Variants in ARFGAP3 observed in about 807,000 individuals in gnomAD.
ARFGAP3 encodes ADP-ribosylation factor GTPase-activating protein 3.
Under a neutral mutation model 75.0 loss-of-function variants are expected in ARFGAP3, and 72 were observed. The observed-to-expected ratio is 0.96, with a 90% CI of 0.79 to 1.17. ARFGAP3 has a LOEUF of 1.17. Among genes scored for constraint, ARFGAP3 ranks in the 50% most tolerant of loss-of-function variants. The pLI, the probability that ARFGAP3 is intolerant of heterozygous loss-of-function variation, is 0.00. For synonymous variants in ARFGAP3, 221 were observed against 217.9 expected, an observed-to-expected ratio of 1.01 and a Z score of -0.13; for missense variants, 620 against 626.6, an observed-to-expected ratio of 0.99 and a Z score of 0.11.
intron 9 of ARFGAP3, among the ~76,000 whole-genome samples, chr22:42,819,609 T>C (rs1422009305): frequency 6.6e-6 from 1 of 152,194 alleles, no homozygotes; most frequent in South Asian, 2.1e-4. Flanking sequence ...CAGCTCTGCC[T>C]CTTCCTTCCT....
chr22:42,831,515 G>C, intron 6 of ARFGAP3, 34 bp downstream of exon 6: 1 of 1,596,626 alleles, frequency 6.3e-7, no homozygotes, highest in Non-Finnish European at 8.6e-7. Context: ...CTGAACCATA[G>C]AATAGTATTA....
In ARFGAP3 at chr22:42,832,549, G is replaced by A. The variant is rs1276811604; in HGVS notation, c.478-913C>T. ...ACTCCATCTCAAAAAAAAAAAAAACGAAAGAAAAAAAGAAAATTAAAGAAT... is the reference window on the plus strand; with the variant it reads ...ACTCCATCTCAAAAAAAAAAAAAACAAAAGAAAAAAAGAAAATTAAAGAAT... On this transcript the variant is annotated intron_variant, in intron 5 of 15. Transcript: ENST00000263245. 6.1e-5 allele frequency among the ~76,000 whole-genome samples: 9 copies of A among 148,712 alleles called. No individual in the cohort carries two copies. The Middle Eastern group carries it at 0.01, about 172-fold the overall frequency.
At chr22:42,805,893 A>G (rs1358108892) in intron 14 of ARFGAP3, among the ~76,000 whole-genome samples, 1 of 152,120 alleles carries the variant, frequency 6.6e-6, no homozygotes, top group African/African-American at 2.4e-5. Flanking sequence ...ACTTGCTGCC[A>G]CCTGGCTAGG....
chr22:42,800,520 G>T (rs746012748), intron 14 of ARFGAP3, among the ~76,000 whole-genome samples: 1 of 152,168 alleles, frequency 6.6e-6, no homozygotes, highest in Non-Finnish European at 1.5e-5. Context: ...GACAGAGCGA[G>T]ACCCCATCTC....
At chr22:42,809,036 TA>T (rs759802872) in intron 12 of ARFGAP3, 146 bp from the exon 13 acceptor site, 5,391 of 923,932 alleles carry the variant, frequency 5.8e-3, no homozygotes, top group Middle Eastern at 0.01. Context: ...AAATTCTAAT[TA>T]AAAAAAAAAG....
chr22:42,813,376 G>C (rs1056513959), intron 11 of ARFGAP3, among the ~76,000 whole-genome samples: 4 of 152,184 alleles, frequency 2.6e-5, no homozygotes, highest in Non-Finnish European at 4.4e-5. Context: ...AGTGGGAAGA[G>C]GGGGGTCAGC....
intron 2 of ARFGAP3, among the ~76,000 whole-genome samples, chr22:42,846,923 C>T (rs1193969157): frequency 6.6e-6 from 1 of 152,194 alleles, no homozygotes; most frequent in Non-Finnish European, 1.5e-5. Context: ...GTTAAGGAGG[C>T]TGAGAAGACC....
chr22:42,822,553 TG>T, intron 8 of ARFGAP3, 144 bp from the exon 9 acceptor site: 1 of 982,062 alleles, frequency 1.0e-6, no homozygotes, highest in South Asian at 2.0e-5. Context: ...CAGAACTCTG[TG>T]AAGTTAGTAT....
chr22:42,834,622 G>A lies in ARFGAP3; in HGVS notation c.394-297C>T, dbSNP rs553340518. ...AGGTTCCAAATGATAATCAATCCTT[G>A]TTATTCATGGATTCCATATTTATGA... On this transcript the variant is annotated intron_variant, in intron 4 of 15. Transcript: ENST00000263245. Among the ~76,000 whole-genome samples, 203 of 152,260 alleles carry A rather than the reference G, an allele frequency of 1.3e-3. 1 individual carries two copies. The highest frequency in any genetic ancestry group is 4.5e-3 in the African/African-American group (189 of 41,542).
rs1925338134 is a variant in ARFGAP3, at chr22:42,810,865, C to G, written c.1144G>C (p.Glu382Gln). 2 of 1,614,050 alleles carry G rather than the reference C, an allele frequency of 1.2e-6. No individual in the cohort carries two copies. Among genetic ancestry groups the G allele is most frequent in the Admixed American group, 1.7e-5 (1 of 59,986 alleles). ...ACTGTTTCAGTATCTTTGCTGGTCT[C>G]TTTTTTCCAATAGGAATCTGAACTG... ...DDSSDSYWKKETSKDTETVLK... is the reference protein window; with the variant it reads ...DDSSDSYWKKQTSKDTETVLK... The change falls in exon 12 of 16, where the codon GAG (glutamate) becomes CAG (glutamine). Residue 382 changes from glutamate (E) to glutamine (Q), a missense_variant. Transcript: ENST00000263245.
At chr22:42,848,125 T>C (rs9611935) in intron 1 of ARFGAP3, among the ~76,000 whole-genome samples, 4,436 of 152,060 alleles carry the variant, frequency 0.029, 84 homozygotes, top group African/African-American at 0.041. Flanking sequence ...CGGCCTCCCA[T>C]AGTGTTGGGA....
chr22:42,823,782 T>TA, intron 7 of ARFGAP3, 80 bp from the exon 8 acceptor site: 1 of 1,308,912 alleles, frequency 7.6e-7, no homozygotes, highest in East Asian at 2.7e-5. Flanking sequence ...AATTCTAAGA[T>TA]ACTGCACTTT....
chr22:42,855,003 T>G (rs900421569), intron 1 of ARFGAP3, among the ~76,000 whole-genome samples: 1 of 152,244 alleles, frequency 6.6e-6, no homozygotes, highest in Non-Finnish European at 1.5e-5. Flanking sequence ...AGCTGCCATT[T>G]ATTGAAGACT....
At chr22:42,828,500 G>T (rs1412881646) in intron 6 of ARFGAP3, among the ~76,000 whole-genome samples, 1 of 151,738 alleles carries the variant, frequency 6.6e-6, no homozygotes, top group African/African-American at 2.4e-5. Flanking sequence ...AGGTTGTGGT[G>T]ACCTGAGATC....
chr22:42,847,503 G>C lies in ARFGAP3; in HGVS notation c.188+11C>G, dbSNP rs755663135. 4 of 1,603,330 alleles carry C rather than the reference G, an allele frequency of 2.5e-6. No individual in the cohort carries two copies. Among genetic ancestry groups the C allele is most frequent in the Non-Finnish European group, 3.4e-6 (4 of 1,171,168 alleles). ...AATCAATCTCACCCCAATGAGAGAA[G>C]ATTCACTTACCGAATAAAACTCAAG... On this transcript the variant is annotated intron_variant, in intron 2 of 15. Coordinates refer to ENST00000263245, the MANE Select transcript of ARFGAP3 (RefSeq NM_014570.5).
intron 9 of ARFGAP3, among the ~76,000 whole-genome samples, chr22:42,818,333 G>T (rs527655420): frequency 5.9e-5 from 9 of 152,168 alleles, no homozygotes; most frequent in African/African-American, 2.2e-4. Flanking sequence ...AATTGTAAAA[G>T]GATCCTTCCA....
chr22:42,831,540 G>A lies in ARFGAP3; in HGVS notation c.565+9C>T. On this transcript the variant is annotated intron_variant, in intron 6 of 15. Transcript: ENST00000263245. ...GAATAGTATTACATGACAGTTCTAA[G>A]GACTCCACCTTCATTATTTTCCAAA... 1 of 1,612,556 alleles carries A rather than the reference G, an allele frequency of 6.2e-7. No individual in the cohort carries two copies. The highest frequency in any genetic ancestry group is 1.1e-5 in the South Asian group (1 of 90,992).
intron 1 of ARFGAP3, among the ~76,000 whole-genome samples, chr22:42,856,046 A>C (rs986488494): frequency 3.9e-5 from 6 of 152,138 alleles, no homozygotes; most frequent in Non-Finnish European, 8.8e-5. Flanking sequence ...GTCTCTAAAA[A>C]AATAAATAAA....
rs949605779 is a variant in ARFGAP3, at chr22:42,822,178, C to T, written c.812+92G>A. The T allele has an allele frequency of 5.7e-6, 6 of 1,047,480 alleles. No homozygotes were observed. In the African/African-American group the frequency reaches 9.6e-5, roughly 17 times the overall value. 64.9% of individuals were successfully genotyped at this position (1,047,480 alleles called of 1,614,324 possible). A position where few individuals can be genotyped will look rare whatever the true frequency, so the allele number is the denominator to read the frequency against. On this transcript the variant is annotated intron_variant, in intron 9 of 15. Coordinates refer to ENST00000263245, the MANE Select transcript of ARFGAP3 (RefSeq NM_014570.5). ...TTTTGCAGTACCCTCCCTTCCCCCC[C>T]CACACAAAAATACATGGCATTTGGA...
Sources: gnomAD v4.1 joint callset for allele counts (sites outside exome capture counted in the v4.1 genomes callset) on GRCh38, gnomAD v4.1.1 for gene constraint, MANE v1.5 for transcripts, NCBI Gene and HGNC (gene_info 2026-07-23, HGNC 2026-07-21) for gene names.